The following MKLN1 variants were observed in gnomAD, a reference collection of about 807,000 sequenced individuals.
MKLN1 encodes the protein muskelin 1, also known as muskelin.
Under a neutral mutation model 99.0 loss-of-function variants are expected in MKLN1, and 18 were observed. The ratio of observed to expected loss-of-function variants is 0.18; its 90% CI spans 0.13 to 0.27. MKLN1 has a LOEUF of 0.27. Ranked by LOEUF, MKLN1 falls within the 10% of genes least tolerant of loss-of-function variation. MKLN1 has a pLI of 1.00. For synonymous variants in MKLN1, 288 were observed against 293.2 expected (o/e 0.98, Z 0.18); for missense variants, 621 against 875.9 (o/e 0.71, Z 3.67).
At chr7:131,350,090 T>C (rs548882740) in intron 1 of MKLN1, among the ~76,000 whole-genome samples, 30 of 152,200 alleles carry the variant, frequency 2.0e-4, no homozygotes, top group Non-Finnish European at 3.7e-4. Context: ...TTTCAACCTG[T>C]ATTTGTACCC....
intron 13 of MKLN1, among the ~76,000 whole-genome samples, chr7:131,463,673 C>G (rs1420117021): frequency 2.0e-5 from 3 of 152,052 alleles, no homozygotes; most frequent in African/African-American, 7.2e-5. Context: ...TTAATGTTCC[C>G]AGATCTTAGT....
intron 1 of MKLN1, among the ~76,000 whole-genome samples, chr7:131,344,411 A>G (rs1799494155): frequency 2.0e-5 from 3 of 152,226 alleles, no homozygotes; most frequent in Non-Finnish European, 4.4e-5. Flanking sequence ...TAGAAAAGTG[A>G]TGTGAATAAA....
chr7:131,120,064 G>A (rs147912702), intron 1 of MKLN1, among the ~76,000 whole-genome samples: 1 of 151,564 alleles, frequency 6.6e-6, no homozygotes, highest in African/African-American at 2.4e-5. Flanking sequence ...CCAGCTACTC[G>A]GGAGGCTGAG....
At chr7:131,463,074 G>T in intron 12 of MKLN1, 143 bp from the exon 13 acceptor site, 1 of 648,804 alleles carries the variant, frequency 1.5e-6, no homozygotes, top group Non-Finnish European at 2.6e-6. Flanking sequence ...GTGAGTCATG[G>T]TTGTGCCTCA....
intron 10 of MKLN1, among the ~76,000 whole-genome samples, chr7:131,442,763 A>G (rs894814504): frequency 1.3e-5 from 2 of 152,302 alleles, no homozygotes; most frequent in Admixed American, 6.5e-5. Context: ...ACAGAATTTG[A>G]TTCTTATTGT....
chr7:131,389,874 G>A (rs1794147209), intron 4 of MKLN1, among the ~76,000 whole-genome samples: 1 of 151,458 alleles, frequency 6.6e-6, no homozygotes, highest in African/African-American at 2.4e-5. Flanking sequence ...GGGAGACAGA[G>A]CGAGACTCCA....
chr7:131,250,660 C>A (rs1042302963), intron 3 of MKLN1, among the ~76,000 whole-genome samples: 6 of 152,120 alleles, frequency 3.9e-5, no homozygotes, highest in African/African-American at 1.4e-4. Context: ...ATGTTCAAAA[C>A]AATTTGCAGT....
At chr7:131,279,799 C>A (rs924996637) in intron 3 of MKLN1, among the ~76,000 whole-genome samples, 2 of 152,026 alleles carry the variant, frequency 1.3e-5, no homozygotes, top group African/African-American at 2.4e-5. Flanking sequence ...AGAGCAAGAC[C>A]CTGTCTCAAA....
intron 3 of MKLN1, among the ~76,000 whole-genome samples, chr7:131,266,528 C>T (rs377214596): frequency 1.8e-4 from 27 of 151,988 alleles, no homozygotes; most frequent in African/African-American, 4.1e-4. Flanking sequence ...GGGGGAACAA[C>T]GAATCTGATC....
chr7:131,379,194 C>T (rs975504436), intron 2 of MKLN1, among the ~76,000 whole-genome samples: 8 of 152,156 alleles, frequency 5.3e-5, no homozygotes, highest in Non-Finnish European at 1.0e-4. Context: ...CAGATCTTCT[C>T]TGAAAATAGT....
intron 2 of MKLN1, among the ~76,000 whole-genome samples, chr7:131,382,969 C>G (rs1343944575): frequency 6.6e-6 from 1 of 152,100 alleles, no homozygotes; most frequent in Non-Finnish European, 1.5e-5. Flanking sequence ...GTGATCGACC[C>G]TCCTTGGCCT....
intron 1 of MKLN1, among the ~76,000 whole-genome samples, chr7:131,369,978 G>A (rs1395426017): frequency 6.6e-6 from 1 of 151,930 alleles, no homozygotes; most frequent in African/African-American, 2.4e-5. Context: ...CTGGGATTAC[G>A]GGCACGTGCC....
rs577977219 is a variant in MKLN1, at chr7:131,329,722, A to T, written c.98+1725A>T. On this transcript the variant is annotated intron_variant, in intron 1 of 17. Transcript: ENST00000352689. ...CATTTTAAGAAAGTACATTTCAAGC[A>T]GGAAATGATTTAGTGGGATGGCAAC... Among the ~76,000 whole-genome samples the T allele has an allele frequency of 9.8e-5, 15 of 152,358 alleles. No individual in the cohort carries two copies. In the East Asian group the frequency reaches 2.9e-3, roughly 29 times the overall value.
Position 131,494,990 on chromosome 7 carries a change from A to G in MKLN1, c.*7262A>G, listed in dbSNP as rs912934125. ...ATTCTTATCTTGCTCCCACTCCAAA[A>G]GCTATGTACAGTTGAGTTATTAGCC... On this transcript the variant is annotated 3_prime_UTR_variant, in exon 18 of 18. Coordinates refer to ENST00000352689, the MANE Select transcript of MKLN1 (RefSeq NM_013255.5). 3.3e-5 allele frequency: 5 copies of G among 152,214 alleles called. No individual in the cohort carries two copies. The highest frequency in any genetic ancestry group is 9.6e-5 in the African/African-American group (4 of 41,460). 9.4% of individuals were successfully genotyped at this position (152,214 alleles called of 1,614,324 possible). A position where few individuals can be genotyped will look rare whatever the true frequency, so the allele number is the denominator to read the frequency against.
In MKLN1 at chr7:131,158,493, G is replaced by A. The variant is rs1263144009; in HGVS notation, c.-297+15552G>A. 3.9e-5 allele frequency among the ~76,000 whole-genome samples: 6 copies of A among 152,266 alleles called. No individual in the cohort carries two copies. In the East Asian group the frequency reaches 9.6e-4, roughly 24 times the overall value. On this transcript the variant is annotated intron_variant, in intron 2 of 7. Transcript: ENST00000416992. ...CCTGTGTACATACTGTGCTTCAAGA[G>A]TAGGACTGAGTGCCATTCCTGAGGT... is the stretch of plus-strand genomic sequence containing the variant.
At chr7:131,223,907 C>T (rs570022103) in intron 3 of MKLN1, among the ~76,000 whole-genome samples, 1 of 152,150 alleles carries the variant, frequency 6.6e-6, no homozygotes, top group South Asian at 2.1e-4. Flanking sequence ...GCTGGGATTA[C>T]AGGCACACAC....
At chr7:131,303,458 A>T (rs554130611) in intron 3 of MKLN1, among the ~76,000 whole-genome samples, 2 of 152,392 alleles carry the variant, frequency 1.3e-5, no homozygotes, top group Non-Finnish European at 2.9e-5. Flanking sequence ...GAACCCTGGT[A>T]TTCTTTGCTT....
intron 2 of MKLN1, among the ~76,000 whole-genome samples, chr7:131,193,363 T>C (rs917824447): frequency 6.6e-6 from 1 of 152,096 alleles, no homozygotes; most frequent in Non-Finnish European, 1.5e-5. Context: ...TTTTTAAAAA[T>C]TATTATTATT....
At chr7:131,465,699 C>T (rs556573904) in intron 14 of MKLN1, among the ~76,000 whole-genome samples, 11 of 152,082 alleles carry the variant, frequency 7.2e-5, no homozygotes, top group African/African-American at 1.2e-4. Flanking sequence ...CCACCACGCC[C>T]GGCTAATTTT....
Sources: allele counts gnomAD v4.1 joint callset (sites outside exome capture counted in the v4.1 genomes callset), GRCh38; gene constraint gnomAD v4.1.1; transcripts MANE v1.5; gene names NCBI Gene and HGNC (gene_info 2026-07-23, HGNC 2026-07-21).